ANO3: variants seen among roughly 807,000 people sequenced by gnomAD.
ANO3 encodes anoctamin 3.
In ANO3, 99 loss-of-function variants were observed where a neutral mutation model predicts 144.8. That is an observed-to-expected ratio of 0.68 (90% CI 0.58 to 0.81). The LOEUF (loss-of-function observed/expected upper bound fraction) is 0.81, where lower values mean the gene tolerates loss of function less well. ANO3 is among the 30% of genes least tolerant of loss of function. ANO3 has a pLI of 0.00. For missense variants in ANO3, 905 were observed against 1,202.2 expected (o/e 0.75, Z 3.66); for synonymous variants, 414 against 392.6 (o/e 1.05, Z -0.64).
At chr11:26,348,621 T>G (rs1161529446) in intron 1 of ANO3, among the ~76,000 whole-genome samples, 1 of 152,222 alleles carries the variant, frequency 6.6e-6, no homozygotes, top group African/African-American at 2.4e-5. Context: ...ACTTATCACA[T>G]GTTTATGGTT....
At chr11:26,442,141 A>G (rs1328064708) in intron 2 of ANO3, 29 bp downstream of exon 2, 1 of 1,595,452 alleles carries the variant, frequency 6.3e-7, no homozygotes, top group Non-Finnish European at 8.5e-7. Context: ...TTTCTTGTTC[A>G]ATTTATAAAA....
chr11:26,424,166 A>AT (rs144378169), intron 1 of ANO3, among the ~76,000 whole-genome samples: 26,968 of 151,148 alleles, frequency 0.18, 3,953 homozygotes, highest in African/African-American at 0.41. Context: ...CTGCAAATAG[A>AT]TTTTTTTTAC....
chr11:26,586,105 G>A (rs576654766), intron 14 of ANO3, among the ~76,000 whole-genome samples: 1 of 152,158 alleles, frequency 6.6e-6, no homozygotes, highest in Admixed American at 6.5e-5. Context: ...TTATTCTCTA[G>A]GCTACTCTGA....
intron 21 of ANO3, among the ~76,000 whole-genome samples, chr11:26,639,830 A>T (rs1004482183): frequency 3.9e-5 from 6 of 152,160 alleles, no homozygotes; most frequent in African/African-American, 1.4e-4. Context: ...ACTTTCTCAT[A>T]TATTAAAATA....
At chr11:26,631,841 A>G (rs1248935136) in intron 18 of ANO3, among the ~76,000 whole-genome samples, 1 of 152,140 alleles carries the variant, frequency 6.6e-6, no homozygotes, top group African/African-American at 2.4e-5. Flanking sequence ...CAAAAAAATG[A>G]TAGAAAAGAA....
intron 4 of ANO3, among the ~76,000 whole-genome samples, chr11:26,468,731 G>A (rs1347814912): frequency 1.3e-5 from 2 of 151,946 alleles, no homozygotes; most frequent in African/African-American, 4.8e-5. Flanking sequence ...TCCAGATATT[G>A]TGAGATGGTG....
chr11:26,647,709 G>T lies in ANO3; in HGVS notation c.2429G>T (p.Gly810Val). 6.3e-6 allele frequency: 10 copies of T among 1,597,508 alleles called. No individual in the cohort carries two copies. The highest frequency in any genetic ancestry group is 8.6e-6 in the Non-Finnish European group (10 of 1,168,694). ...RPLPARATDI[G>V]IWLGILEGIG... is the part of the protein sequence containing the mutation. ...CCATGATTAATCTTTCTCTTACCAGGTATCTGGCTTGGAATTCTCGAAGGA... is the reference window on the plus strand; with the variant it reads ...CCATGATTAATCTTTCTCTTACCAGTTATCTGGCTTGGAATTCTCGAAGGA... The change falls in exon 24 of 27, where the codon GGT becomes GTT. Residue 810 changes from glycine (G) to valine (V), a missense_variant and splice_region_variant. Transcript: ENST00000256737.
chr11:26,361,107 C>G (rs1293258644), intron 1 of ANO3, among the ~76,000 whole-genome samples: 2 of 152,136 alleles, frequency 1.3e-5, no homozygotes, highest in African/African-American at 4.8e-5. Flanking sequence ...CATTTCAATA[C>G]TAATTTAACT....
chr11:26,563,815 G>T (rs1420574614), intron 14 of ANO3, among the ~76,000 whole-genome samples: 1 of 151,868 alleles, frequency 6.6e-6, no homozygotes. Flanking sequence ...TAACTTCAGT[G>T]CCTTGCATAT....
intron 1 of ANO3, among the ~76,000 whole-genome samples, chr11:26,280,853 A>C (rs10834950): frequency 0.18 from 27,062 of 152,138 alleles, 2,692 homozygotes; most frequent in African/African-American, 0.28. Context: ...TGACAGGGAG[A>C]AGCCATAAGG....
chr11:26,522,132 C>T (rs2134161607), intron 6 of ANO3, among the ~76,000 whole-genome samples: 1 of 152,032 alleles, frequency 6.6e-6, no homozygotes, highest in South Asian at 2.1e-4. Flanking sequence ...TGCAGTGAGC[C>T]GAGATCGCGC....
intron 24 of ANO3, among the ~76,000 whole-genome samples, chr11:26,655,140 C>T (rs189555056): frequency 9.7e-4 from 147 of 152,248 alleles, no homozygotes; most frequent in Non-Finnish European, 1.5e-3. Context: ...TCAAATCACT[C>T]CCACCCCCAG....
At chr11:26,341,705 A>G (rs1855364106) in intron 1 of ANO3, among the ~76,000 whole-genome samples, 1 of 152,214 alleles carries the variant, frequency 6.6e-6, no homozygotes, top group Non-Finnish European at 1.5e-5. Flanking sequence ...CAAGGAAGCC[A>G]GTGGTGGATC....
At chr11:26,498,930 C>T (rs1393450907) in intron 4 of ANO3, among the ~76,000 whole-genome samples, 3 of 151,852 alleles carry the variant, frequency 2.0e-5, no homozygotes, top group African/African-American at 7.2e-5. Flanking sequence ...AACAGCATCC[C>T]TTCGATGGAT....
chr11:26,491,887 G>A (rs1467897887), intron 4 of ANO3, among the ~76,000 whole-genome samples: 1 of 152,128 alleles, frequency 6.6e-6, no homozygotes, highest in Non-Finnish European at 1.5e-5. Flanking sequence ...AAGTAAAAGA[G>A]TTAATTACAT....
At chr11:26,285,041 A>C (rs566489868) in intron 1 of ANO3, among the ~76,000 whole-genome samples, 2 of 152,292 alleles carry the variant, frequency 1.3e-5, no homozygotes, top group East Asian at 3.9e-4. Flanking sequence ...AACCGCCTTT[A>C]CTTCAGAATT....
At position 26,631,656 on chromosome 11, in the gene ANO3, G is replaced by A. The variant is rs562042291; in HGVS notation, c.1874-2548G>A. Among the ~76,000 whole-genome samples, 7 of 152,208 alleles carry A rather than the reference G, an allele frequency of 4.6e-5. No individual in the cohort carries two copies. In the East Asian group the frequency reaches 1.4e-3, roughly 29 times the overall value. ...AAAAGCTGAAAAATGACTGACACTT[G>A]AGGAGTAAAAGCACATATATCAAGA... is the stretch of plus-strand genomic sequence containing the variant. On this transcript the variant is annotated intron_variant, in intron 18 of 26. Coordinates refer to ENST00000256737, the MANE Select transcript of ANO3 (RefSeq NM_031418.4).
chr11:26,340,947 CTT>C (rs1855341657), intron 1 of ANO3, among the ~76,000 whole-genome samples: 1 of 152,094 alleles, frequency 6.6e-6, no homozygotes, highest in Admixed American at 6.6e-5. Context: ...AATTTTTAGA[CTT>C]TGTTTTCAGT....
chr11:26,278,767 T>C (rs1269952451), intron 1 of ANO3, among the ~76,000 whole-genome samples: 1 of 152,114 alleles, frequency 6.6e-6, no homozygotes, highest in Non-Finnish European at 1.5e-5. Context: ...CACCTCTCTA[T>C]TGGTGTTCTC....
Sources: allele counts gnomAD v4.1 joint callset (sites outside exome capture counted in the v4.1 genomes callset), GRCh38; gene constraint gnomAD v4.1.1; transcripts MANE v1.5; gene names NCBI Gene and HGNC (gene_info 2026-07-23, HGNC 2026-07-21).